Variants in RHPN2 observed in about 807,000 individuals in gnomAD.
RHPN2 encodes the protein rhophilin-2.
A neutral mutation model predicts 79.0 loss-of-function variants in RHPN2; 40 were observed. The ratio of observed to expected loss-of-function variants is 0.51; its 90% confidence interval spans 0.39 to 0.66. The LOEUF (loss-of-function observed/expected upper bound fraction) is 0.66. Ranked by LOEUF, RHPN2 falls within the 30% of genes least tolerant of loss-of-function variation. The pLI is 0.00. For synonymous variants in RHPN2, 285 were observed against 363.5 expected (o/e 0.78, Z 2.46); for missense variants, 686 against 883.5 (o/e 0.78, Z 2.83).
chr19:33,048,696 AGCCTG>A (rs1229109370), intron 1 of RHPN2, among the ~76,000 whole-genome samples: 4 of 136,296 alleles, frequency 2.9e-5, no homozygotes, highest in Admixed American at 1.7e-4. Context: ...ACTGCACTCC[AGCCTG>A]GGTGACACAG....
chr19:33,038,894 A>G (rs1972078924), intron 2 of RHPN2, among the ~76,000 whole-genome samples: 1 of 151,960 alleles, frequency 6.6e-6, no homozygotes, highest in Non-Finnish European at 1.5e-5. Context: ...CTGACCTCAA[A>G]TGATTTGCCC....
chr19:33,003,517 C>T (rs552618228), intron 7 of RHPN2, among the ~76,000 whole-genome samples: 1 of 151,686 alleles, frequency 6.6e-6, no homozygotes, highest in South Asian at 2.1e-4. Context: ...GCTTAAATGA[C>T]ACTTGAACAC....
Position 32,998,930 on chromosome 19 carries a change from G to C in RHPN2, c.1225+656C>G, listed in dbSNP as rs79022740. Among the ~76,000 whole-genome samples the C allele has an allele frequency of 8.2e-3, 1,066 of 130,012 alleles. 60 individuals carry two copies. In the East Asian group the frequency reaches 0.17, roughly 21 times the overall value. The allele number at this position is 130,012 out of a possible 152,430, so 85.3% of individuals were successfully genotyped here. On this transcript the variant is annotated intron_variant, in intron 10 of 14. Coordinates refer to ENST00000254260, the MANE Select transcript of RHPN2 (RefSeq NM_033103.5). ...GAGAAGGGGAGCGGAGGGTAACAGG[G>C]GAGGGAAGAGGAGAGGAGAGAACAG...
chr19:33,064,755 T>TTGG, intron 1 of RHPN2, 29 bp downstream of exon 1: 10 of 1,427,928 alleles, frequency 7.0e-6, no homozygotes, highest in South Asian at 1.2e-5. Context: ...AGCCCGCAGG[T>TTGG]CCCCGCCCGC....
At chr19:33,064,738 G>A (rs1972312892) in intron 1 of RHPN2, 46 bp downstream of exon 1, 1 of 1,509,908 alleles carries the variant, frequency 6.6e-7, no homozygotes, top group Non-Finnish European at 8.8e-7. Flanking sequence ...GGGGAAAGGA[G>A]GTCTGGAGCC....
intron 2 of RHPN2, among the ~76,000 whole-genome samples, chr19:33,040,052 A>G (rs1972088145): frequency 6.6e-6 from 1 of 151,958 alleles, no homozygotes; most frequent in African/African-American, 2.4e-5. Context: ...ATCCAGCCCC[A>G]TTCACTCATT....
chr19:32,993,497 A>G (rs1363535812), intron 12 of RHPN2, among the ~76,000 whole-genome samples: 2 of 152,098 alleles, frequency 1.3e-5, no homozygotes, highest in African/African-American at 4.8e-5. Context: ...ATAAAAATAA[A>G]TGAATAAAAT....
chr19:33,028,156 C>CT (rs36036417), intron 2 of RHPN2, among the ~76,000 whole-genome samples: 48,138 of 141,942 alleles, frequency 0.34, 9,670 homozygotes, highest in African/African-American at 0.57. Flanking sequence ...AAAATCAATT[C>CT]TTTTTTTTTT....
At chr19:33,021,856 T>TCCTCCCTAA (rs1971926902) in intron 3 of RHPN2, among the ~76,000 whole-genome samples, 1 of 152,162 alleles carries the variant, frequency 6.6e-6, no homozygotes, top group African/African-American at 2.4e-5. Flanking sequence ...CTAAGACTGC[T>TCCTCCCTAA]GGACCACCCC....
At chr19:33,013,787 T>C in intron 4 of RHPN2, among the ~76,000 whole-genome samples, 1 of 152,250 alleles carries the variant, frequency 6.6e-6, no homozygotes, top group South Asian at 2.1e-4. Context: ...GGACTGTCAA[T>C]AACAGTCTCC....
intron 14 of RHPN2, among the ~76,000 whole-genome samples, chr19:32,983,150 TACACACACACAAAC>T (rs1218004329): frequency 4.7e-5 from 5 of 106,204 alleles, no homozygotes; most frequent in Admixed American, 1.1e-4. Context: ...CCCAGATCTC[TACACACACACAAAC>T]ACACACACAC....
At chr19:33,014,922 C>G (rs1209783921) in intron 4 of RHPN2, among the ~76,000 whole-genome samples, 1 of 151,990 alleles carries the variant, frequency 6.6e-6, no homozygotes, top group Non-Finnish European at 1.5e-5. Flanking sequence ...GAAACCCCAT[C>G]TCTACAAATA....
chr19:33,037,878 T>TC (rs34129057), intron 2 of RHPN2, among the ~76,000 whole-genome samples: 80,742 of 151,900 alleles, frequency 0.53, 25,668 homozygotes, highest in African/African-American at 0.87. Context: ...ACTGCTACAC[T>TC]CAGTGTGGGC....
At chr19:32,995,375 C>T (rs1369323878) in intron 11 of RHPN2, among the ~76,000 whole-genome samples, 4 of 151,954 alleles carry the variant, frequency 2.6e-5, no homozygotes, top group South Asian at 2.1e-4. Context: ...CCGTGCTTGA[C>T]CTTTTCATTA....
At chr19:33,018,108 A>G (rs1237828014) in intron 4 of RHPN2, among the ~76,000 whole-genome samples, 1 of 151,806 alleles carries the variant, frequency 6.6e-6, no homozygotes, top group Non-Finnish European at 1.5e-5. Context: ...AGCCGAGATC[A>G]CGCCACTGCA....
chr19:33,026,440 C>T, intron 3 of RHPN2, 64 bp downstream of exon 3: 1 of 1,589,504 alleles, frequency 6.3e-7, no homozygotes, highest in Non-Finnish European at 8.6e-7. Context: ...CTTTGTGCAG[C>T]ACCCTGGATG....
intron 4 of RHPN2, among the ~76,000 whole-genome samples, chr19:33,014,852 A>G (rs1298706735): frequency 6.6e-6 from 1 of 152,148 alleles, no homozygotes; most frequent in Non-Finnish European, 1.5e-5. Flanking sequence ...GCACTTTGGG[A>G]GGCCAAGGTG....
intron 6 of RHPN2, among the ~76,000 whole-genome samples, chr19:33,009,959 A>G (rs1971823192): frequency 6.6e-6 from 1 of 150,744 alleles, no homozygotes; most frequent in African/African-American, 2.4e-5. Context: ...TTGTATTTTT[A>G]GTAGAGACAG....
At chr19:33,021,759 C>T (rs1599821565) in intron 3 of RHPN2, 113 bp from the exon 4 acceptor site, 3 of 746,150 alleles carry the variant, frequency 4.0e-6, no homozygotes, top group East Asian at 5.4e-5. Flanking sequence ...CTTACCCCAT[C>T]CTGTACTCAC....
Sources: gnomAD v4.1 joint callset for allele counts (sites outside exome capture counted in the v4.1 genomes callset) on GRCh38, gnomAD v4.1.1 for gene constraint, MANE v1.5 for transcripts, NCBI Gene and HGNC (gene_info 2026-07-23, HGNC 2026-07-21) for gene names.